SOX5: variants seen among roughly 807,000 people sequenced by gnomAD.
SOX5 encodes the protein SRY-box transcription factor 5, also known as transcription factor SOX-5.
A neutral mutation model predicts 92.0 loss-of-function variants in SOX5; 9 were observed. The observed-to-expected ratio is 0.10, with a 90% CI of 0.06 to 0.17. The LOEUF (loss-of-function observed/expected upper bound fraction) is 0.17. Among genes scored for constraint, SOX5 ranks in the 10% least tolerant of loss-of-function variants. SOX5 has a pLI of 1.00. For missense variants in SOX5, 642 were observed against 944.5 expected (o/e 0.68, Z 4.20); for synonymous variants, 344 against 336.3 (o/e 1.02, Z -0.25).
At chr12:24,196,013 T>C (rs898498816) in intron 4 of SOX5, among the ~76,000 whole-genome samples, 2 of 152,080 alleles carry the variant, frequency 1.3e-5, no homozygotes, top group African/African-American at 4.8e-5. Context: ...GACGCTGGAG[T>C]AGCTGGAATC....
At chr12:24,412,787 T>TG (rs1483942903) in intron 1 of SOX5, among the ~76,000 whole-genome samples, 1 of 150,416 alleles carries the variant, frequency 6.6e-6, no homozygotes, top group African/African-American at 2.4e-5. Flanking sequence ...TTTCTTTTTT[T>TG]TTTTTTTTTT....
At chr12:23,567,290 T>C (rs914924005) in intron 10 of SOX5, among the ~76,000 whole-genome samples, 4 of 152,034 alleles carry the variant, frequency 2.6e-5, no homozygotes, top group Admixed American at 6.6e-5. Flanking sequence ...GGAGGGCATG[T>C]GTATAGGAGA....
At chr12:23,681,212 A>G (rs2086571280) in intron 6 of SOX5, among the ~76,000 whole-genome samples, 1 of 151,998 alleles carries the variant, frequency 6.6e-6, no homozygotes, top group South Asian at 2.1e-4. Flanking sequence ...CATTAATTTT[A>G]GACTCTCTGA....
At chr12:23,741,773 A>G (rs2093806060) in intron 4 of SOX5, among the ~76,000 whole-genome samples, 1 of 152,212 alleles carries the variant, frequency 6.6e-6, no homozygotes, top group Non-Finnish European at 1.5e-5. Flanking sequence ...GTGGTTGGCA[A>G]ATTAGCATCA....
At chr12:24,228,701 A>G (rs531586457) in intron 3 of SOX5, among the ~76,000 whole-genome samples, 22 of 152,192 alleles carry the variant, frequency 1.4e-4, no homozygotes, top group Non-Finnish European at 1.5e-4. Flanking sequence ...TCACACATGC[A>G]TGCATGCACA....
intron 4 of SOX5, among the ~76,000 whole-genome samples, chr12:23,983,772 C>G (rs1236796850): frequency 6.6e-6 from 1 of 152,016 alleles, no homozygotes; most frequent in South Asian, 2.1e-4. Flanking sequence ...CCAGATTTCC[C>G]TTAAATTGTG....
At chr12:23,552,036 G>A (rs569451283) in intron 11 of SOX5, among the ~76,000 whole-genome samples, 90 of 151,992 alleles carry the variant, frequency 5.9e-4, no homozygotes, top group Non-Finnish European at 1.2e-3. Context: ...AAATTTGAGA[G>A]TTTTGGTCCA....
intron 2 of SOX5, among the ~76,000 whole-genome samples, chr12:24,308,739 T>C (rs1402885115): frequency 1.3e-5 from 2 of 152,156 alleles, no homozygotes; most frequent in African/African-American, 4.8e-5. Flanking sequence ...AGCACACCCA[T>C]AGACTCCCAG....
At chr12:24,329,626 TAG>T (rs1174478110) in intron 2 of SOX5, among the ~76,000 whole-genome samples, 1 of 152,182 alleles carries the variant, frequency 6.6e-6, no homozygotes, top group Non-Finnish European at 1.5e-5. Flanking sequence ...GGTTTAAAAG[TAG>T]GTCATGGGAA....
At chr12:23,752,748 A>T (rs1045896260) in intron 4 of SOX5, among the ~76,000 whole-genome samples, 1 of 151,914 alleles carries the variant, frequency 6.6e-6, no homozygotes, top group Admixed American at 6.6e-5. Context: ...TAAACTGACC[A>T]GTTATACTAC....
At chr12:23,805,048 C>T (rs1029144517) in intron 3 of SOX5, among the ~76,000 whole-genome samples, 1 of 145,836 alleles carries the variant, frequency 6.9e-6, no homozygotes, top group Non-Finnish European at 1.5e-5. Flanking sequence ...TATGAGAGTG[C>T]TTTGCATGAC....
intron 1 of SOX5, among the ~76,000 whole-genome samples, chr12:24,419,244 C>T (rs997663141): frequency 6.6e-6 from 1 of 152,102 alleles, no homozygotes; most frequent in Non-Finnish European, 1.5e-5. Flanking sequence ...TCTCCTCCCT[C>T]AGTTAAGCAA....
intron 4 of SOX5, among the ~76,000 whole-genome samples, chr12:24,028,873 T>C (rs1425326760): frequency 6.6e-6 from 1 of 152,050 alleles, no homozygotes; most frequent in African/African-American, 2.4e-5. Flanking sequence ...GGGTTTAAAA[T>C]ATGGTTTTGT....
intron 2 of SOX5, among the ~76,000 whole-genome samples, chr12:24,296,876 A>G (rs1187379551): frequency 6.6e-6 from 1 of 151,482 alleles, no homozygotes; most frequent in Non-Finnish European, 1.5e-5. Flanking sequence ...TTCTTAGTAT[A>G]GTTTCTGCCA....
intron 4 of SOX5, among the ~76,000 whole-genome samples, chr12:24,095,090 AACACACACACAC>A (rs150030739): frequency 7.6e-6 from 1 of 131,546 alleles, no homozygotes; most frequent in Non-Finnish European, 1.6e-5. Flanking sequence ...CTAGCCCCGA[AACACACACACAC>A]ACACACACAC....
chr12:23,743,948 T>A (rs1414063086), intron 4 of SOX5, among the ~76,000 whole-genome samples: 2 of 152,232 alleles, frequency 1.3e-5, no homozygotes, highest in African/African-American at 4.8e-5. Context: ...ACAAAATTAT[T>A]TGTTTTCACT....
chr12:23,565,412 C>T (rs890083444), intron 10 of SOX5, among the ~76,000 whole-genome samples: 3 of 152,100 alleles, frequency 2.0e-5, no homozygotes, highest in Non-Finnish European at 4.4e-5. Flanking sequence ...CCTGTTTATA[C>T]ACAACCTGGC....
chr12:24,335,631 C>T (rs1472849229), intron 2 of SOX5, among the ~76,000 whole-genome samples: 1 of 152,058 alleles, frequency 6.6e-6, no homozygotes, highest in Non-Finnish European at 1.5e-5. Flanking sequence ...TGCAAATATC[C>T]TTGGAGGAAT....
chr12:23,805,865 T>C (rs1210634905), intron 3 of SOX5, among the ~76,000 whole-genome samples: 3 of 152,194 alleles, frequency 2.0e-5, no homozygotes, highest in Admixed American at 2.0e-4. Flanking sequence ...AATAATTTGC[T>C]GTATGTGTAA....
Sources: gnomAD v4.1 joint callset for allele counts (sites outside exome capture counted in the v4.1 genomes callset) on GRCh38, gnomAD v4.1.1 for gene constraint, MANE v1.5 for transcripts, NCBI Gene and HGNC (gene_info 2026-07-23, HGNC 2026-07-21) for gene names.